Variants in NVL observed in about 807,000 individuals in gnomAD.
The protein encoded by NVL is nuclear VCP like, also known as nuclear valosin-containing protein-like.
A neutral mutation model predicts 110.2 loss-of-function variants in NVL; 84 were observed. The observed-to-expected ratio is 0.76, with a 90% CI of 0.64 to 0.91. The LOEUF is 0.91. Among genes scored for constraint, NVL ranks in the 40% least tolerant of loss-of-function variants. The pLI, the probability that NVL is intolerant of heterozygous loss-of-function variation, is 0.00. For synonymous variants in NVL, 354 were observed against 361.1 expected, an observed-to-expected ratio of 0.98 and a Z score of 0.22; for missense variants, 882 against 1,035.9, an observed-to-expected ratio of 0.85 and a Z score of 2.04.
intron 18 of NVL, among the ~76,000 whole-genome samples, chr1:224,259,093 AT>A (rs924104794): frequency 2.5e-3 from 360 of 143,596 alleles, no homozygotes; most frequent in Middle Eastern, 7.3e-3. Context: ...GGTGATGAAC[AT>A]TTTTTTTTTT....
chr1:224,299,560 A>G (rs1276859693), intron 10 of NVL, among the ~76,000 whole-genome samples: 1 of 152,202 alleles, frequency 6.6e-6, no homozygotes, highest in East Asian at 1.9e-4. Context: ...CACAGAACTA[A>G]CAACCTAAAG....
intron 18 of NVL, among the ~76,000 whole-genome samples, chr1:224,250,952 C>A (rs964879095): frequency 2.0e-5 from 3 of 151,656 alleles, no homozygotes; most frequent in African/African-American, 7.3e-5. Context: ...CCACTGTGCT[C>A]AGACCAAATA....
At chr1:224,294,450 T>A in intron 11 of NVL, 39 bp from the exon 12 acceptor site, 1 of 1,602,238 alleles carries the variant, frequency 6.2e-7, no homozygotes, top group Non-Finnish European at 8.5e-7. Context: ...ACAAAGCACT[T>A]GACACTGACG....
chr1:224,286,992 C>G (rs1186671224), intron 14 of NVL, among the ~76,000 whole-genome samples: 1 of 152,092 alleles, frequency 6.6e-6, no homozygotes, highest in Admixed American at 6.6e-5. Flanking sequence ...TTAACTGAAA[C>G]CTATAATTTT....
intron 13 of NVL, among the ~76,000 whole-genome samples, chr1:224,288,531 C>CAATTTATAAAATATT (rs1667080445): frequency 6.6e-6 from 1 of 151,938 alleles, no homozygotes; most frequent in African/African-American, 2.4e-5. Flanking sequence ...CCAATTAATT[C>CAATTTATAAAATATT]AATTTATAAA....
At chr1:224,327,844 C>T (rs1199330069) in intron 1 of NVL, among the ~76,000 whole-genome samples, 3 of 151,018 alleles carry the variant, frequency 2.0e-5, no homozygotes, top group African/African-American at 7.3e-5. Context: ...AGTTGTGGGA[C>T]GCGGGAACAT....
At chr1:224,239,229 G>A (rs1330961256) in intron 19 of NVL, among the ~76,000 whole-genome samples, 3 of 152,176 alleles carry the variant, frequency 2.0e-5, no homozygotes, top group Non-Finnish European at 2.9e-5. Context: ...CGAGGAATTA[G>A]AAAACCTGAG....
At chr1:224,316,924 A>C (rs1046347933) in intron 4 of NVL, among the ~76,000 whole-genome samples, 2 of 151,994 alleles carry the variant, frequency 1.3e-5, no homozygotes, top group Non-Finnish European at 2.9e-5. Context: ...GATCACTAGA[A>C]GTCAGGAGTT....
chr1:224,249,953 C>T (rs1662277572), intron 19 of NVL, among the ~76,000 whole-genome samples: 1 of 152,120 alleles, frequency 6.6e-6, no homozygotes, highest in Non-Finnish European at 1.5e-5. Context: ...CAGGCTGGTA[C>T]CAAACTCCTG....
Position 224,317,738 on chromosome 1 carries a change from A to T in NVL, c.240T>A (p.Asp80Glu). ...GTCTTGCCCTTTTTGCCAAATGTTC[A>T]TCTTCTAATTCTGTTAAATTCTTAA... Reference protein sequence around the residue: ...KELKNLTELEDEHLAKRARQG... With the variant: ...KELKNLTELEEEHLAKRARQG... Residue 80 changes from aspartate (D) to glutamate (E), a missense_variant, in exon 4 of 23, where the codon GAT (aspartate) becomes GAA (glutamate). Transcript: ENST00000281701. 4 of 1,610,444 alleles carry T rather than the reference A, an allele frequency of 2.5e-6. No homozygotes were observed. Among genetic ancestry groups the T allele is most frequent in the Non-Finnish European group, 2.5e-6 (3 of 1,176,946 alleles).
chr1:224,305,322 C>A, intron 6 of NVL, 156 bp from the exon 7 acceptor site: 2 of 685,126 alleles, frequency 2.9e-6, no homozygotes, highest in Non-Finnish European at 4.7e-6. Context: ...AAGATGCTGT[C>A]TATTGTGAAA....
chr1:224,227,569 T>G lies in NVL; in HGVS notation c.*57A>C. On this transcript the variant is annotated 3_prime_UTR_variant, in exon 23 of 23. Transcript: ENST00000281701. ...CTGAAAGTGGGTCCTTCAGAGCGTG[T>G]GGGGGATTCTCTGCCGGCTTGATGG... The G allele has an allele frequency of 6.5e-7, 1 of 1,542,382 alleles. No homozygotes were observed. The highest frequency in any genetic ancestry group is 8.9e-7 in the Non-Finnish European group (1 of 1,122,284).
chr1:224,250,813 T>C (rs1662388708), intron 18 of NVL, among the ~76,000 whole-genome samples: 1 of 152,248 alleles, frequency 6.6e-6, no homozygotes, highest in Admixed American at 6.5e-5. Flanking sequence ...CATAAGATGT[T>C]TGGCTGGTTA....
intron 19 of NVL, among the ~76,000 whole-genome samples, chr1:224,240,266 A>G (rs1025338003): frequency 1.3e-5 from 2 of 152,028 alleles, no homozygotes; most frequent in African/African-American, 4.8e-5. Context: ...ATGGGGTTTC[A>G]CCATGTTGTC....
At position 224,291,404 on chromosome 1, in the gene NVL, T is replaced by G. The variant is rs753713158; in HGVS notation, c.1326-1671A>C. On this transcript the variant is annotated intron_variant, in intron 12 of 22. Transcript: ENST00000281701. ...ACATATTTTGATATTATAAACTAAC[T>G]TGGACAAGGAAATATATTTTAAAAT... 5.3e-5 allele frequency among the ~76,000 whole-genome samples: 8 copies of G among 152,314 alleles called. No individual in the cohort carries two copies. In the South Asian group the frequency reaches 8.3e-4, roughly 16 times the overall value.
At chr1:224,317,214 A>G (rs1670178880) in intron 4 of NVL, among the ~76,000 whole-genome samples, 1 of 152,088 alleles carries the variant, frequency 6.6e-6, no homozygotes, top group Non-Finnish European at 1.5e-5. Flanking sequence ...TAAACTCTCA[A>G]TACTATTTCT....
At chr1:224,227,792 G>A in intron 22 of NVL, 122 bp from the exon 23 acceptor site, 1 of 771,900 alleles carries the variant, frequency 1.3e-6, no homozygotes, top group Non-Finnish European at 2.1e-6. Flanking sequence ...GATTGTAACT[G>A]GAGAGAGGGT....
At chr1:224,262,474 C>T (rs1042164452) in intron 18 of NVL, among the ~76,000 whole-genome samples, 1 of 151,760 alleles carries the variant, frequency 6.6e-6, no homozygotes, top group Admixed American at 6.6e-5. Flanking sequence ...TAAGTACCAG[C>T]AAAATGAGGG....
chr1:224,294,178 A>T, intron 12 of NVL, 89 bp downstream of exon 12: 1 of 1,324,288 alleles, frequency 7.6e-7, no homozygotes, highest in African/African-American at 1.5e-5. Context: ...GAGAAAGAAA[A>T]GGCTACTTGG....
Sources: gnomAD v4.1 joint callset for allele counts (sites outside exome capture counted in the v4.1 genomes callset) on GRCh38, gnomAD v4.1.1 for gene constraint, MANE v1.5 for transcripts, NCBI Gene and HGNC (gene_info 2026-07-23, HGNC 2026-07-21) for gene names.